Variants in TWSG1 observed in about 807,000 individuals in gnomAD.
The protein encoded by TWSG1 is twisted gastrulation protein homolog 1.
Under a neutral mutation model 23.0 loss-of-function variants are expected in TWSG1, and 15 were observed. The ratio of observed to expected loss-of-function variants is 0.65; its 90% CI spans 0.44 to 1.00. The LOEUF is 1.00. TWSG1 is among the 50% of genes least tolerant of loss of function. The pLI, the probability that TWSG1 is intolerant of heterozygous loss-of-function variation, is 0.00. For synonymous variants in TWSG1, 86 were observed against 92.8 expected (o/e 0.93, Z 0.42); for missense variants, 242 against 278.7 (o/e 0.87, Z 0.94).
intron 2 of TWSG1, among the ~76,000 whole-genome samples, chr18:9,356,635 A>T (rs773766543): frequency 6.6e-6 from 1 of 152,204 alleles, no homozygotes; most frequent in Non-Finnish European, 1.5e-5. Flanking sequence ...AGTTAATAAT[A>T]TAAATACAGG....
At chr18:9,384,935 C>T (rs1416875112) in intron 3 of TWSG1, among the ~76,000 whole-genome samples, 1 of 152,166 alleles carries the variant, frequency 6.6e-6, no homozygotes, top group Non-Finnish European at 1.5e-5. Flanking sequence ...GCATGAGCCA[C>T]CACACCCGGC....
chr18:9,393,949 C>A (rs2040723219), intron 3 of TWSG1, among the ~76,000 whole-genome samples: 1 of 152,130 alleles, frequency 6.6e-6, no homozygotes, highest in African/African-American at 2.4e-5. Flanking sequence ...TTTTCCCTCA[C>A]CCAGATTCCC....
At chr18:9,368,465 T>C (rs979156861) in intron 3 of TWSG1, among the ~76,000 whole-genome samples, 3 of 152,078 alleles carry the variant, frequency 2.0e-5, no homozygotes, top group East Asian at 1.9e-4. Context: ...CCTCCCAGAG[T>C]GCTGGGATTA....
rs1598837917 is a variant in TWSG1, at chr18:9,399,337, G to A, written c.491-9G>A. 6.5e-7 allele frequency: 1 copy of A among 1,539,054 alleles called. No individual in the cohort carries two copies. Among genetic ancestry groups the A allele is most frequent in the East Asian group, 2.3e-5 (1 of 42,896 alleles). ...TCTTGCCCTGAAATCTTAAATTTTT[G>A]TTTTTCAGAACACATGTGTACTGTG... On this transcript the variant is annotated splice_polypyrimidine_tract_variant and intron_variant, in intron 4 of 4. Coordinates refer to ENST00000262120, the MANE Select transcript of TWSG1 (RefSeq NM_020648.6).
chr18:9,361,625 G>A (rs1227580897), intron 3 of TWSG1, among the ~76,000 whole-genome samples: 2 of 152,242 alleles, frequency 1.3e-5, no homozygotes, highest in African/African-American at 2.4e-5. Flanking sequence ...TGTTGAGGCT[G>A]GGGTATGGGG....
intron 2 of TWSG1, among the ~76,000 whole-genome samples, chr18:9,344,519 GTGTA>G (rs760208062): frequency 1.2e-5 from 1 of 84,566 alleles, no homozygotes; most frequent in African/African-American, 4.1e-5. Flanking sequence ...GTGTGTGTGT[GTGTA>G]TGTATGTATT....
At chr18:9,364,132 T>C (rs1455562377) in intron 3 of TWSG1, among the ~76,000 whole-genome samples, 1 of 152,232 alleles carries the variant, frequency 6.6e-6, no homozygotes, top group Non-Finnish European at 1.5e-5. Flanking sequence ...TAATATTCCA[T>C]TGGCTTTTTG....
intron 4 of TWSG1, 182 bp downstream of exon 4, chr18:9,396,728 G>T: frequency 1.6e-6 from 1 of 620,950 alleles, no homozygotes. Flanking sequence ...ATGCCAGAAG[G>T]ATAAGAGAAA....
intron 2 of TWSG1, among the ~76,000 whole-genome samples, chr18:9,346,485 A>G (rs922909034): frequency 2.6e-5 from 4 of 152,232 alleles, no homozygotes; most frequent in Non-Finnish European, 2.9e-5. Flanking sequence ...AGTAGCTATG[A>G]ATAAAGCTTA....
chr18:9,340,088 G>C (rs903220061), intron 2 of TWSG1, among the ~76,000 whole-genome samples: 2 of 151,990 alleles, frequency 1.3e-5, no homozygotes, highest in Admixed American at 1.3e-4. Context: ...CTAGGGCTGG[G>C]CCGGGCGCGG....
At chr18:9,388,984 G>A (rs1399055336) in intron 3 of TWSG1, among the ~76,000 whole-genome samples, 1 of 151,996 alleles carries the variant, frequency 6.6e-6, no homozygotes, top group African/African-American at 2.4e-5. Flanking sequence ...TTGTTTGTTT[G>A]TTTGTTTTTG....
chr18:9,393,565 TA>T (rs984211583), intron 3 of TWSG1, among the ~76,000 whole-genome samples: 7 of 152,118 alleles, frequency 4.6e-5, no homozygotes, highest in Non-Finnish European at 8.8e-5. Context: ...TCCATCTGTT[TA>T]TTTTTTTTAG....
At chr18:9,341,565 T>C (rs568501098) in intron 2 of TWSG1, among the ~76,000 whole-genome samples, 4 of 152,310 alleles carry the variant, frequency 2.6e-5, no homozygotes, top group African/African-American at 9.6e-5. Context: ...TTAGATGTTA[T>C]ATATCTAAAA....
At chr18:9,367,761 A>C (rs2040586751) in intron 3 of TWSG1, among the ~76,000 whole-genome samples, 1 of 152,154 alleles carries the variant, frequency 6.6e-6, no homozygotes, top group Non-Finnish European at 1.5e-5. Context: ...TTTCATCCCA[A>C]AACCAGTCCT....
chr18:9,399,464 C>T lies in TWSG1; in HGVS notation c.609C>T (p.Cys203=). Residue 203 remains cysteine, a synonymous_variant, in exon 5 of 5, where the codon TGC becomes TGT. Transcript: ENST00000262120. ...YRWFHNACCE[C]IGPECIDYGS... ...GGTTTCATAATGCCTGCTGCGAGTG[C>T]ATTGGTCCAGAATGTATTGACTATG... The T allele has an allele frequency of 6.2e-7, 1 of 1,614,028 alleles. No individual in the cohort carries two copies. The highest frequency in any genetic ancestry group is 8.5e-7 in the Non-Finnish European group (1 of 1,179,982).
rs1316299222 is a variant in TWSG1 at position 9,399,593 on chromosome 18, T to C, written c.*66T>C. The C allele has an allele frequency of 1.4e-6, 2 of 1,389,214 alleles. No homozygotes were observed. Among genetic ancestry groups the C allele is most frequent in the African/African-American group, 2.9e-5 (2 of 68,302 alleles). The allele number at this position is 1,389,214 out of a possible 1,614,324, so 86.1% of individuals were successfully genotyped here. The stretch of plus-strand genomic sequence containing the variant: ...GGTATAAAAAGTTATTCTGTAAGTC[T>C]GTTGGTTGTATCTTGTATCAGAATC... On this transcript the variant is annotated 3_prime_UTR_variant, in exon 5 of 5. Transcript: ENST00000262120.
At chr18:9,373,165 C>T (rs756597583) in intron 3 of TWSG1, among the ~76,000 whole-genome samples, 1 of 152,114 alleles carries the variant, frequency 6.6e-6, no homozygotes, top group African/African-American at 2.4e-5. Context: ...TAAAGAGGGA[C>T]ATTACATAGT....
At chr18:9,340,491 T>G (rs1320683455) in intron 2 of TWSG1, among the ~76,000 whole-genome samples, 1 of 152,124 alleles carries the variant, frequency 6.6e-6, no homozygotes, top group African/African-American at 2.4e-5. Flanking sequence ...ACTCTTCACC[T>G]AGTTTTGTGG....
intron 3 of TWSG1, among the ~76,000 whole-genome samples, chr18:9,380,281 C>T (rs1443050108): frequency 6.6e-6 from 1 of 152,052 alleles, no homozygotes; most frequent in Non-Finnish European, 1.5e-5. Flanking sequence ...CTGTTCCACA[C>T]ATGAGGAAAC....
Sources: allele counts gnomAD v4.1 joint callset (sites outside exome capture counted in the v4.1 genomes callset), GRCh38; gene constraint gnomAD v4.1.1; transcripts MANE v1.5; gene names NCBI Gene and HGNC (gene_info 2026-07-23, HGNC 2026-07-21).